ADAM23: variants seen among roughly 807,000 people sequenced by gnomAD.
ADAM23 encodes ADAM metallopeptidase domain 23.
ADAM23 carries 33 observed loss-of-function variants against 120.1 expected under a neutral mutation model. That is an observed-to-expected ratio of 0.27 (90% CI 0.21 to 0.37). The LOEUF is 0.37. ADAM23 is among the 10% of genes least tolerant of loss of function. The pLI is 1.00. For synonymous variants in ADAM23, 367 were observed against 375.2 expected (o/e 0.98, Z 0.25); for missense variants, 862 against 1,058.2 (o/e 0.81, Z 2.57).
chr2:206,444,492 G>T (rs1204707426), intron 1 of ADAM23, among the ~76,000 whole-genome samples: 1 of 152,134 alleles, frequency 6.6e-6, no homozygotes, highest in Non-Finnish European at 1.5e-5. Context: ...CTCAAATTTC[G>T]TATCCGGCGC....
intron 2 of ADAM23, among the ~76,000 whole-genome samples, chr2:206,453,335 A>G (rs879813692): frequency 6.6e-6 from 1 of 152,244 alleles, no homozygotes; most frequent in Non-Finnish European, 1.5e-5. Flanking sequence ...CCTGCTTCAG[A>G]ACATCATGTC....
chr2:206,555,101 A>C (rs147594281), intron 9 of ADAM23, among the ~76,000 whole-genome samples: 81 of 152,240 alleles, frequency 5.3e-4, no homozygotes, highest in African/African-American at 1.7e-3. Context: ...CAAGTCTTTA[A>C]GTGGGATCAT....
At chr2:206,590,187 T>A (rs773944617) in intron 21 of ADAM23, among the ~76,000 whole-genome samples, 4 of 152,082 alleles carry the variant, frequency 2.6e-5, no homozygotes, top group Non-Finnish European at 4.4e-5. Flanking sequence ...GACCTCCACC[T>A]CCTGGGTTCA....
At chr2:206,476,255 C>G (rs1695772966) in intron 2 of ADAM23, among the ~76,000 whole-genome samples, 1 of 152,132 alleles carries the variant, frequency 6.6e-6, no homozygotes, top group African/African-American at 2.4e-5. Flanking sequence ...ATGTTTCGTT[C>G]ATTACTTAAA....
intron 25 of ADAM23, among the ~76,000 whole-genome samples, chr2:206,610,808 A>T (rs1698812997): frequency 6.6e-6 from 1 of 152,188 alleles, no homozygotes; most frequent in Non-Finnish European, 1.5e-5. Flanking sequence ...ATTGCTTTTT[A>T]TACCTTTTCA....
chr2:206,588,207 T>G (rs1698360379), intron 20 of ADAM23, 53 bp downstream of exon 20: 1 of 1,574,592 alleles, frequency 6.4e-7, no homozygotes, highest in Non-Finnish European at 8.7e-7. Context: ...CTCTTAATAG[T>G]GTTCTTCTCT....
chr2:206,608,774 C>T (rs1426090249), intron 24 of ADAM23, among the ~76,000 whole-genome samples: 1 of 151,978 alleles, frequency 6.6e-6, no homozygotes, highest in Non-Finnish European at 1.5e-5. Flanking sequence ...TTGTGTGCTG[C>T]CAAAAGTGGC....
At chr2:206,591,081 C>T (rs1442976700) in intron 21 of ADAM23, among the ~76,000 whole-genome samples, 2 of 152,104 alleles carry the variant, frequency 1.3e-5, no homozygotes, top group Non-Finnish European at 2.9e-5. Flanking sequence ...CCTGTAATCC[C>T]AGCACTTAGG....
intron 25 of ADAM23, among the ~76,000 whole-genome samples, chr2:206,614,167 T>A (rs902863880): frequency 4.6e-5 from 7 of 152,222 alleles, no homozygotes; most frequent in African/African-American, 1.7e-4. Context: ...GTTAATTTAA[T>A]ATTAATAAGT....
intron 3 of ADAM23, among the ~76,000 whole-genome samples, chr2:206,497,020 A>C (rs1176201351): frequency 6.6e-6 from 1 of 152,206 alleles, no homozygotes; most frequent in Non-Finnish European, 1.5e-5. Flanking sequence ...ATAGCTTACC[A>C]ACCAAAAAAA....
At chr2:206,522,837 G>T (rs1696871522) in intron 3 of ADAM23, among the ~76,000 whole-genome samples, 1 of 151,658 alleles carries the variant, frequency 6.6e-6, no homozygotes, top group Non-Finnish European at 1.5e-5. Context: ...ACATACGGGG[G>T]TAAAACTAGA....
rs2105872156 is a variant in ADAM23, at chr2:206,619,174, G to T, written c.*1547G>T. 6.6e-6 allele frequency: 1 copy of T among 152,298 alleles called. No individual in the cohort carries two copies. The highest frequency in any genetic ancestry group is 2.1e-4 in the South Asian group (1 of 4,818). 9.4% of individuals were successfully genotyped at this position (152,298 alleles called of 1,614,324 possible). A position where few individuals can be genotyped will look rare whatever the true frequency, so the allele number is the denominator to read the frequency against. The stretch of plus-strand genomic sequence containing the variant: ...CTGTGCTGTGCTTTCAAGAAACCTT[G>T]TTTGACCTCTGGCATTTTACTGATC... On this transcript the variant is annotated 3_prime_UTR_variant, in exon 26 of 26. Transcript: ENST00000264377.
At position 206,561,185 on chromosome 2, in the gene ADAM23, T is replaced by A. The variant is rs1697757552; in HGVS notation, c.1227T>A (p.Ser409=). 1 of 1,613,942 alleles carries A rather than the reference T, an allele frequency of 6.2e-7. No homozygotes were observed. The highest frequency in any genetic ancestry group is 8.5e-7 in the Non-Finnish European group (1 of 1,179,956). Reference sequence around the variant, plus strand: ...TGAGTTACTTTGGAGGTGTCTGTTCTCGCACAAGAGGAGTTGGTGTGAATG... The same window carrying A: ...TGAGTTACTTTGGAGGTGTCTGTTCACGCACAAGAGGAGTTGGTGTGAATG... The part of the protein sequence containing the change: ...SSLSYFGGVC[S]RTRGVGVNEY... The change falls in exon 12 of 26, where the codon TCT becomes TCA. Residue 409 remains serine, a synonymous_variant. Transcript: ENST00000264377.
At chr2:206,538,980 T>A (rs1697237236) in intron 4 of ADAM23, among the ~76,000 whole-genome samples, 1 of 152,116 alleles carries the variant, frequency 6.6e-6, no homozygotes, top group Non-Finnish European at 1.5e-5. Flanking sequence ...TTGTAATCAC[T>A]AGACTCACAA....
Position 206,444,094 on chromosome 2 carries a change from C to CA in ADAM23, c.214+14_214+15insA. The CA allele has an allele frequency of 7.7e-7, 1 of 1,303,724 alleles. No homozygotes were observed. The highest frequency in any genetic ancestry group is 3.8e-5 in the Admixed American group (1 of 26,386). 80.8% of individuals were successfully genotyped at this position (1,303,724 alleles called of 1,614,324 possible). On this transcript the variant is annotated intron_variant, in intron 1 of 25. Coordinates refer to ENST00000264377, the MANE Select transcript of ADAM23 (RefSeq NM_003812.4). ...CTGCGCCCAGCGGTGGGTATGGCCC[C>CA]GTGCCCTTTGCGTTGGCTTTCCCGC... is the stretch of plus-strand genomic sequence containing the variant.
chr2:206,462,331 G>A (rs1695440119), intron 2 of ADAM23, among the ~76,000 whole-genome samples: 1 of 152,174 alleles, frequency 6.6e-6, no homozygotes, highest in African/African-American at 2.4e-5. Context: ...CTCCCAGCAC[G>A]CCCCAAAGGC....
Position 206,571,651 on chromosome 2 carries a change from C to T in ADAM23, c.1567-76C>T, listed in dbSNP as rs1370608874. The T allele has an allele frequency of 5.1e-6, 5 of 989,896 alleles. No homozygotes were observed. In the South Asian group the frequency reaches 5.3e-5, roughly 11 times the overall value. 61.3% of individuals were successfully genotyped at this position (989,896 alleles called of 1,614,324 possible). ...TATAAATGTTCTCATTTGGAATATG[C>T]ATGCCACGTGTGGAGAGAATATGAA... On this transcript the variant is annotated intron_variant, in intron 16 of 25. Transcript: ENST00000264377.
chr2:206,523,582 C>T (rs1015512130), intron 3 of ADAM23, among the ~76,000 whole-genome samples: 1 of 151,982 alleles, frequency 6.6e-6, no homozygotes, highest in African/African-American at 2.4e-5. Flanking sequence ...TATTTTTTAG[C>T]TGAAACAACT....
chr2:206,608,595 T>C (rs1698772438), intron 24 of ADAM23, among the ~76,000 whole-genome samples: 1 of 152,074 alleles, frequency 6.6e-6, no homozygotes, highest in South Asian at 2.1e-4. Context: ...GGTGTATCTC[T>C]AAAGGCAACT....
Sources: gnomAD v4.1 joint callset for allele counts (sites outside exome capture counted in the v4.1 genomes callset) on GRCh38, gnomAD v4.1.1 for gene constraint, MANE v1.5 for transcripts, NCBI Gene and HGNC (gene_info 2026-07-23, HGNC 2026-07-21) for gene names.